The following FOCAD variants were observed in gnomAD, a reference collection of about 807,000 sequenced individuals.
FOCAD encodes KIAA1797.
FOCAD carries 198 observed loss-of-function variants against 225.6 expected under a neutral mutation model. The observed-to-expected ratio is 0.88, with a 90% CI of 0.78 to 0.99. The LOEUF is 0.99. Among genes scored for constraint, FOCAD ranks in the 50% least tolerant of loss-of-function variants. FOCAD has a pLI of 0.00. For synonymous variants in FOCAD, 897 were observed against 755.0 expected (o/e 1.19, Z -3.08); for missense variants, 2,713 against 2,123.6 (o/e 1.28, Z -5.46).
chr9:20,804,932 G>A (rs982352478), intron 11 of FOCAD, among the ~76,000 whole-genome samples: 5 of 152,052 alleles, frequency 3.3e-5, no homozygotes, highest in African/African-American at 1.2e-4. Flanking sequence ...TACCTAATTT[G>A]ATTTGGTTTG....
intron 11 of FOCAD, among the ~76,000 whole-genome samples, chr9:20,791,237 T>TCACA (rs10652100): frequency 0.41 from 60,950 of 148,408 alleles, 12,373 homozygotes; most frequent in Admixed American, 0.47. Context: ...ACACACACAC[T>TCACA]CACACACACA....
chr9:20,973,861 C>A (rs1478417158), intron 35 of FOCAD, among the ~76,000 whole-genome samples: 1 of 111,742 alleles, frequency 8.9e-6, no homozygotes, highest in African/African-American at 3.3e-5. Flanking sequence ...CTTCTCATTT[C>A]TGCTGCTGTT....
At position 20,893,027 on chromosome 9, in the gene FOCAD, T is replaced by A. The variant is rs181015689; in HGVS notation, c.2625+7797T>A. On this transcript the variant is annotated intron_variant, in intron 21 of 43. Coordinates refer to ENST00000338382, the MANE Select transcript of FOCAD (RefSeq NM_001375567.1). ...TAGCAGTCAAATATTTAAAAAAAAATTTTTAGTGATAGGACCTCACTATGT... is the reference window on the plus strand; with the variant it reads ...TAGCAGTCAAATATTTAAAAAAAAAATTTTAGTGATAGGACCTCACTATGT... Among the ~76,000 whole-genome samples the A allele has an allele frequency of 3.6e-3, 550 of 152,020 alleles. 2 individuals are homozygous for A. Among genetic ancestry groups the A allele is most frequent in the African/African-American group, 0.012 (517 of 41,460 alleles).
At chr9:20,683,204 C>G (rs765957775), upstream of FOCAD, 1 of 152,178 alleles carries the variant, frequency 6.6e-6, no homozygotes, top group Non-Finnish European at 1.5e-5. Context: ...AACAGAACTT[C>G]TTGTCTACAC....
chr9:20,656,690 T>C (rs533675586), upstream of FOCAD, among the ~76,000 whole-genome samples: 1 of 152,254 alleles, frequency 6.6e-6, no homozygotes, highest in South Asian at 2.1e-4. Context: ...TGAGATGGGT[T>C]TCCTGAATAC....
chr9:20,949,266 A>G (rs1049538583), intron 32 of FOCAD, among the ~76,000 whole-genome samples: 1 of 152,186 alleles, frequency 6.6e-6, no homozygotes, highest in African/African-American at 2.4e-5. Flanking sequence ...AATGTCTGAT[A>G]TATGTCTATG....
intron 2 of FOCAD, among the ~76,000 whole-genome samples, chr9:20,679,001 A>G (rs1194960277): frequency 1.3e-5 from 2 of 152,162 alleles, no homozygotes; most frequent in Admixed American, 1.3e-4. Context: ...GATCTGATGG[A>G]ATGAGTCACA....
At chr9:20,668,229 C>T (rs976574851) in intron 2 of FOCAD, among the ~76,000 whole-genome samples, 6 of 151,918 alleles carry the variant, frequency 3.9e-5, no homozygotes, top group African/African-American at 1.2e-4. Flanking sequence ...ATACTTTTAA[C>T]GTTTAATCAT....
chr9:20,810,779 C>G (rs1166939020), intron 11 of FOCAD, among the ~76,000 whole-genome samples: 1 of 151,968 alleles, frequency 6.6e-6, no homozygotes, highest in Non-Finnish European at 1.5e-5. Flanking sequence ...AAAGTTTAGG[C>G]CAGGAAGGGT....
At chr9:20,969,977 ATTTTTCGATGACAG>A (rs1169046482) in intron 35 of FOCAD, among the ~76,000 whole-genome samples, 2 of 121,998 alleles carry the variant, frequency 1.6e-5, no homozygotes, top group African/African-American at 5.9e-5. Context: ...TGGATACAGC[ATTTTTCGATGACAG>A]TTTTTTTTTT....
intron 8 of FOCAD, among the ~76,000 whole-genome samples, chr9:20,773,748 C>G (rs536522483): frequency 6.6e-6 from 1 of 152,096 alleles, no homozygotes; most frequent in Non-Finnish European, 1.5e-5. Flanking sequence ...AAAGGTCATC[C>G]CCTTTCGTTT....
At chr9:20,763,991 C>T (rs955177115) in intron 6 of FOCAD, among the ~76,000 whole-genome samples, 2 of 151,984 alleles carry the variant, frequency 1.3e-5, no homozygotes, top group Non-Finnish European at 2.9e-5. Flanking sequence ...TTTCTTTATC[C>T]GTGTTATAAG....
Position 20,885,149 on chromosome 9 carries a change from TA to T in FOCAD, c.2547del (p.Asp850MetfsTer5). ...GCTATGATGTTTCCATGTATCAGAG[TA>T]AAGATGGAAAACCATTGAACAGACT... is the stretch of plus-strand genomic sequence containing the variant. ...FCYDVSMYQS[K>X]DGKPLNRLMA... On this transcript the variant is annotated frameshift_variant, in exon 21 of 44. Transcript: ENST00000338382. LOFTEE classifies it high-confidence loss of function. 1 of 1,539,430 alleles carries T rather than the reference TA, an allele frequency of 6.5e-7. No individual in the cohort carries two copies. Among genetic ancestry groups the T allele is most frequent in the Non-Finnish European group, 8.8e-7 (1 of 1,141,350 alleles).
intron 15 of FOCAD, among the ~76,000 whole-genome samples, chr9:20,843,058 A>G (rs1224723767): frequency 1.3e-5 from 2 of 151,938 alleles, no homozygotes; most frequent in African/African-American, 4.8e-5. Context: ...TATATCTTAT[A>G]TACTATGTGT....
chr9:20,814,829 A>G (rs549494164), intron 11 of FOCAD, among the ~76,000 whole-genome samples: 1 of 152,144 alleles, frequency 6.6e-6, no homozygotes, highest in Admixed American at 6.6e-5. Flanking sequence ...GTCACAAATT[A>G]CATCTTTTTA....
intron 1 of FOCAD, among the ~76,000 whole-genome samples, chr9:20,703,074 A>T (rs555541493): frequency 1.1e-4 from 16 of 151,102 alleles, no homozygotes; most frequent in African/African-American, 3.9e-4. Flanking sequence ...GGGGTGGAGT[A>T]GGGAAGCAGA....
chr9:20,870,040 A>G (rs950915537), intron 18 of FOCAD, among the ~76,000 whole-genome samples: 7 of 152,318 alleles, frequency 4.6e-5, no homozygotes, highest in African/African-American at 1.7e-4. Context: ...CAAAAAAACT[A>G]TGGAGAAGTT....
At chr9:20,704,020 G>C (rs552905974) in intron 1 of FOCAD, among the ~76,000 whole-genome samples, 1 of 152,316 alleles carries the variant, frequency 6.6e-6, no homozygotes, top group African/African-American at 2.4e-5. Context: ...TTATCATGAT[G>C]ATAGAGGTAG....
At chr9:20,864,603 G>A (rs1026712178) in intron 16 of FOCAD, among the ~76,000 whole-genome samples, 11 of 151,948 alleles carry the variant, frequency 7.2e-5, no homozygotes, top group Admixed American at 4.6e-4. Context: ...TTCTAAGAAC[G>A]TTTATTCTAT....
Sources: allele counts gnomAD v4.1 joint callset (sites outside exome capture counted in the v4.1 genomes callset), GRCh38; gene constraint gnomAD v4.1.1; transcripts MANE v1.5; gene names NCBI Gene and HGNC (gene_info 2026-07-23, HGNC 2026-07-21).